GALNT13: variants seen among roughly 807,000 people sequenced by gnomAD.
GALNT13 encodes the protein UDP-GalNAc:polypeptide N-acetylgalactosaminyltransferase 13.
Under a neutral mutation model 64.2 loss-of-function variants are expected in GALNT13, and 28 were observed. That is an observed-to-expected ratio of 0.44 (90% CI 0.32 to 0.60). The LOEUF (loss-of-function observed/expected upper bound fraction) is 0.60. Ranked by LOEUF, GALNT13 falls within the 20% of genes least tolerant of loss-of-function variation. The pLI, the probability that GALNT13 is intolerant of heterozygous loss-of-function variation, is 0.05. For missense variants in GALNT13, 577 were observed against 669.8 expected (o/e 0.86, Z 1.53); for synonymous variants, 214 against 224.6 (o/e 0.95, Z 0.42).
chr2:154,418,211 A>G (rs757078779), intron 11 of GALNT13, among the ~76,000 whole-genome samples: 14 of 152,226 alleles, frequency 9.2e-5, no homozygotes, highest in Non-Finnish European at 2.1e-4. Context: ...TTCTGACTAC[A>G]TAAACTAAAA....
At chr2:153,918,926 C>G (rs1689573843) in intron 2 of GALNT13, among the ~76,000 whole-genome samples, 1 of 152,132 alleles carries the variant, frequency 6.6e-6, no homozygotes, top group African/African-American at 2.4e-5. Flanking sequence ...CACACCTCAA[C>G]ACACTGAGGC....
Position 154,199,904 on chromosome 2 carries a change from T to A in GALNT13, c.312-42126T>A, listed in dbSNP as rs1687081320. ...ATAATCAAGGTTTGGATTGAAAGCA[T>A]AATAAATTATTCAGAGATGCATTAT... On this transcript the variant is annotated intron_variant, in intron 4 of 12. Coordinates refer to ENST00000392825, the MANE Select transcript of GALNT13 (RefSeq NM_052917.4). Among the ~76,000 whole-genome samples, 2 of 152,066 alleles carry A rather than the reference T, an allele frequency of 1.3e-5. 1 individual carries two copies. The highest frequency in any genetic ancestry group is 1.3e-4 in the Admixed American group (2 of 15,252).
At chr2:153,291,759 A>AC in the GALNT13 span, among the ~76,000 whole-genome samples, 2 of 151,778 alleles carry the variant, frequency 1.3e-5, no homozygotes, top group Non-Finnish European at 2.9e-5. Context: ...AAAAAAAAAA[A>AC]AACCTCTTGT....
At chr2:153,631,723 G>C in the GALNT13 span, among the ~76,000 whole-genome samples, 39 of 152,208 alleles carry the variant, frequency 2.6e-4, no homozygotes, top group South Asian at 8.1e-3. Context: ...TGTCAGATGA[G>C]TAGGTTGCAA....
At chr2:154,032,830 A>G (rs145756752) in intron 3 of GALNT13, among the ~76,000 whole-genome samples, 1 of 150,922 alleles carries the variant, frequency 6.6e-6, no homozygotes, top group African/African-American at 2.4e-5. Flanking sequence ...CTTTTCCACT[A>G]AGATCAGAAA....
the GALNT13 span, among the ~76,000 whole-genome samples, chr2:153,775,806 T>G: frequency 2.6e-5 from 4 of 152,152 alleles, no homozygotes; most frequent in East Asian, 7.7e-4. Context: ...ACACACTGAA[T>G]AATATTGAAT....
the GALNT13 span, among the ~76,000 whole-genome samples, chr2:153,537,177 T>G: frequency 4.6e-5 from 7 of 152,078 alleles, no homozygotes; most frequent in African/African-American, 1.4e-4. Context: ...TCTGTAAACA[T>G]GAGAGAGAGA....
At chr2:153,648,901 C>T in the GALNT13 span, among the ~76,000 whole-genome samples, 1 of 152,258 alleles carries the variant, frequency 6.6e-6, no homozygotes, top group Middle Eastern at 3.4e-3. Context: ...CATTGATGTT[C>T]ATAGGGATAT....
At chr2:153,264,573 G>A in the GALNT13 span, among the ~76,000 whole-genome samples, 1 of 152,316 alleles carries the variant, frequency 6.6e-6, no homozygotes. Context: ...TAAAAGAAAT[G>A]TGGTACATAT....
At position 154,042,403 on chromosome 2, in the gene GALNT13, A is replaced by T. The variant is rs1005533984; in HGVS notation, c.142+97764A>T. On this transcript the variant is annotated intron_variant, in intron 3 of 12. Transcript: ENST00000392825. ...AGAAATACCTTATAGTCAGTGGGGG[A>T]AAAAAAACTAGCAGACTTTTACTAC... Among the ~76,000 whole-genome samples, 13 of 90,080 alleles carry T rather than the reference A, an allele frequency of 1.4e-4. 1 individual carries two copies. The highest frequency in any genetic ancestry group is 3.3e-4 in the African/African-American group (12 of 35,822). 59.1% of individuals were successfully genotyped at this position (90,080 alleles called of 152,430 possible).
chr2:154,063,274 A>T (rs546247170), intron 3 of GALNT13, among the ~76,000 whole-genome samples: 1 of 152,176 alleles, frequency 6.6e-6, no homozygotes, highest in Non-Finnish European at 1.5e-5. Context: ...GTTATAACCA[A>T]ACAAATGCTG....
chr2:153,801,658 AG>A, the GALNT13 span, among the ~76,000 whole-genome samples: 2 of 152,204 alleles, frequency 1.3e-5, no homozygotes, highest in South Asian at 4.1e-4. Flanking sequence ...AATAATGAAA[AG>A]TTTCAAATAT....
chr2:153,529,225 G>T, the GALNT13 span, among the ~76,000 whole-genome samples: 1 of 151,898 alleles, frequency 6.6e-6, no homozygotes, highest in African/African-American at 2.4e-5. Flanking sequence ...GATGAAAAAA[G>T]AGACATTACA....
chr2:154,362,722 A>G (rs1697145374), intron 9 of GALNT13, among the ~76,000 whole-genome samples: 1 of 152,206 alleles, frequency 6.6e-6, no homozygotes, highest in Non-Finnish European at 1.5e-5. Context: ...TAAGTTTTGC[A>G]TAACTGCTAT....
the GALNT13 span, among the ~76,000 whole-genome samples, chr2:153,626,243 A>G: frequency 6.6e-6 from 1 of 152,120 alleles, no homozygotes; most frequent in Non-Finnish European, 1.5e-5. Flanking sequence ...AGGTAGAACG[A>G]GGAAGAACCC....
the GALNT13 span, among the ~76,000 whole-genome samples, chr2:153,665,126 C>T: frequency 2.6e-5 from 4 of 152,172 alleles, no homozygotes; most frequent in Admixed American, 2.0e-4. Flanking sequence ...GATTGATCCT[C>T]ACTTTCAATG....
chr2:154,033,857 T>C (rs1203323839), intron 3 of GALNT13, among the ~76,000 whole-genome samples: 1 of 152,126 alleles, frequency 6.6e-6, no homozygotes, highest in Non-Finnish European at 1.5e-5. Flanking sequence ...GAGAATCTCT[T>C]GAACCCGGGG....
At chr2:153,441,046 G>A in the GALNT13 span, among the ~76,000 whole-genome samples, 1 of 152,134 alleles carries the variant, frequency 6.6e-6, no homozygotes, top group Non-Finnish European at 1.5e-5. Context: ...GAATGGTATT[G>A]CCTAGGTTCT....
At chr2:153,481,842 AC>A in the GALNT13 span, among the ~76,000 whole-genome samples, 1 of 152,230 alleles carries the variant, frequency 6.6e-6, no homozygotes, top group East Asian at 1.9e-4. Context: ...CTCTTTTTGT[AC>A]ATTATGAAAA....
Sources: gnomAD v4.1 joint callset for allele counts (sites outside exome capture counted in the v4.1 genomes callset) on GRCh38, gnomAD v4.1.1 for gene constraint, MANE v1.5 for transcripts, NCBI Gene and HGNC (gene_info 2026-07-23, HGNC 2026-07-21) for gene names.